The following SLC25A13 variants were observed in gnomAD, a reference collection of about 807,000 sequenced individuals.
The protein encoded by SLC25A13 is electrogenic aspartate/glutamate antiporter SLC25A13, mitochondrial.
In SLC25A13, 70 loss-of-function variants were observed where a neutral mutation model predicts 85.5. The observed-to-expected ratio is 0.82, with a 90% confidence interval of 0.68 to 1.00. SLC25A13 has a LOEUF of 1.00. Ranked by LOEUF, SLC25A13 falls within the 50% of genes least tolerant of loss-of-function variation. The pLI, the probability that SLC25A13 is intolerant of heterozygous loss-of-function variation, is 0.00. For missense variants in SLC25A13, 765 were observed against 819.8 expected (o/e 0.93, Z 0.82); for synonymous variants, 259 against 288.7 (o/e 0.90, Z 1.04).
chr7:96,186,645 T>C (rs1347025331), intron 9 of SLC25A13, among the ~76,000 whole-genome samples: 1 of 152,052 alleles, frequency 6.6e-6, no homozygotes, highest in Non-Finnish European at 1.5e-5. Context: ...CAAAACCCTA[T>C]CATTCAAAAT....
chr7:96,286,100 C>T lies in SLC25A13; in HGVS notation c.70-8762G>A, dbSNP rs534562809. 1.3e-4 allele frequency among the ~76,000 whole-genome samples: 20 copies of T among 151,892 alleles called. No homozygotes were observed. In the South Asian group the frequency reaches 1.9e-3, roughly 14 times the overall value. ...GAGATCGAGACCATCCTGGCTAACA[C>T]GGTGAAACCCCATCTCTACTAAAAA... On this transcript the variant is annotated intron_variant, in intron 2 of 17. Coordinates refer to ENST00000265631, the MANE Select transcript of SLC25A13 (RefSeq NM_014251.3).
In SLC25A13 at chr7:96,221,401, G is replaced by C. The variant is rs185441473; in HGVS notation, c.329-12424C>G. Among the ~76,000 whole-genome samples, 552 of 152,260 alleles carry C rather than the reference G, an allele frequency of 3.6e-3. 1 individual carries two copies. Among genetic ancestry groups the C allele is most frequent in the Non-Finnish European group, 7.0e-3 (475 of 68,020 alleles). On this transcript the variant is annotated intron_variant, in intron 4 of 17. Transcript: ENST00000265631. Reference sequence around the variant, plus strand: ...ATAAAATAAAATCAAATCTACTGCAGGGCAATATTTTTCTTTCATCAAAAT... The same window carrying C: ...ATAAAATAAAATCAAATCTACTGCACGGCAATATTTTTCTTTCATCAAAAT...
chr7:96,173,956 G>C (rs1794111525), intron 11 of SLC25A13, among the ~76,000 whole-genome samples: 1 of 152,224 alleles, frequency 6.6e-6, no homozygotes, highest in Admixed American at 6.5e-5. Flanking sequence ...GATGTCATGG[G>C]TGGAGCAAGG....
rs1009109646 is a variant in SLC25A13, at chr7:96,205,001, T to C, written c.468+3837A>G. Among the ~76,000 whole-genome samples the C allele has an allele frequency of 2.0e-5, 3 of 152,166 alleles. No individual in the cohort carries two copies. In the South Asian group the frequency reaches 6.2e-4, roughly 32 times the overall value. On this transcript the variant is annotated intron_variant, in intron 5 of 17. Coordinates refer to ENST00000265631, the MANE Select transcript of SLC25A13 (RefSeq NM_014251.3). Reference sequence around the variant, plus strand: ...TCAGCTCACTGCAACCTCTGCCTCCTGGGTTCAGCGATTCTCCTGCCTCAG... The same window carrying C: ...TCAGCTCACTGCAACCTCTGCCTCCCGGGTTCAGCGATTCTCCTGCCTCAG...
chr7:96,122,700 G>A (rs1250612242), intron 15 of SLC25A13, among the ~76,000 whole-genome samples: 1 of 152,024 alleles, frequency 6.6e-6, no homozygotes, highest in African/African-American at 2.4e-5. Flanking sequence ...ATTTATACTG[G>A]CTGATAATCA....
chr7:96,264,420 G>C (rs1797970457), intron 3 of SLC25A13, among the ~76,000 whole-genome samples: 1 of 151,966 alleles, frequency 6.6e-6, no homozygotes, highest in Non-Finnish European at 1.5e-5. Context: ...AAAAATCAAA[G>C]AAACCAAAAG....
At chr7:96,139,775 T>C (rs918562705) in intron 14 of SLC25A13, among the ~76,000 whole-genome samples, 3 of 152,168 alleles carry the variant, frequency 2.0e-5, no homozygotes, top group Non-Finnish European at 2.9e-5. Flanking sequence ...TCCAGACTTA[T>C]CCATCTCATT....
intron 3 of SLC25A13, among the ~76,000 whole-genome samples, chr7:96,239,934 A>G (rs1796906053): frequency 6.6e-6 from 1 of 152,194 alleles, no homozygotes. Context: ...ACTGGGCCAA[A>G]GAAGAAAGAG....
chr7:96,181,676 T>C (rs1584419449), intron 11 of SLC25A13, among the ~76,000 whole-genome samples: 4 of 152,292 alleles, frequency 2.6e-5, no homozygotes, highest in Admixed American at 2.6e-4. Flanking sequence ...ATTCAGGAAA[T>C]ATGAGCAATT....
At chr7:96,204,341 C>A (rs1795377124) in intron 5 of SLC25A13, among the ~76,000 whole-genome samples, 1 of 152,170 alleles carries the variant, frequency 6.6e-6, no homozygotes, top group Non-Finnish European at 1.5e-5. Flanking sequence ...ACCTTTCATT[C>A]TGTGCCCCCA....
At chr7:96,149,354 T>C (rs1393311098) in intron 13 of SLC25A13, among the ~76,000 whole-genome samples, 1 of 152,232 alleles carries the variant, frequency 6.6e-6, no homozygotes, top group Non-Finnish European at 1.5e-5. Flanking sequence ...TACGGAATTG[T>C]CTTATTATCT....
intron 3 of SLC25A13, among the ~76,000 whole-genome samples, chr7:96,258,094 A>G (rs1294761409): frequency 1.3e-5 from 2 of 152,220 alleles, no homozygotes; most frequent in African/African-American, 4.8e-5. Flanking sequence ...TATTTACGAC[A>G]AACGGACAGC....
At chr7:96,180,358 T>C (rs2116615763) in intron 11 of SLC25A13, among the ~76,000 whole-genome samples, 1 of 152,298 alleles carries the variant, frequency 6.6e-6, no homozygotes, top group East Asian at 1.9e-4. Context: ...TTTTCTAAAT[T>C]GAGACAGAGT....
chr7:96,262,337 T>A (rs963034476), intron 3 of SLC25A13, among the ~76,000 whole-genome samples: 3 of 152,198 alleles, frequency 2.0e-5, no homozygotes, highest in African/African-American at 7.2e-5. Context: ...AGAACAGTAT[T>A]TGCTCTTTCA....
chr7:96,308,224 T>G (rs948916766), intron 1 of SLC25A13, among the ~76,000 whole-genome samples: 3 of 151,584 alleles, frequency 2.0e-5, no homozygotes, highest in Non-Finnish European at 2.9e-5. Context: ...TCTCATCTGC[T>G]AAAAGTAAGA....
At chr7:96,177,610 C>T (rs1451610957) in intron 11 of SLC25A13, among the ~76,000 whole-genome samples, 2 of 152,122 alleles carry the variant, frequency 1.3e-5, no homozygotes, top group Non-Finnish European at 2.9e-5. Context: ...ACGGGGTAGT[C>T]GTGAAGATGA....
intron 4 of SLC25A13, among the ~76,000 whole-genome samples, chr7:96,217,276 G>A (rs1795933575): frequency 1.3e-5 from 2 of 152,156 alleles, no homozygotes; most frequent in Admixed American, 1.3e-4. Flanking sequence ...CACTGCTGGT[G>A]GGAATATATT....
intron 15 of SLC25A13, among the ~76,000 whole-genome samples, chr7:96,128,969 TC>T (rs1315280154): frequency 6.7e-6 from 1 of 150,230 alleles, no homozygotes; most frequent in African/African-American, 2.4e-5. Flanking sequence ...TCTCTCTCTC[TC>T]TCTCTCTCTC....
intron 13 of SLC25A13, among the ~76,000 whole-genome samples, chr7:96,168,098 G>GGA (rs1793836839): frequency 1.5e-4 from 3 of 19,694 alleles, no homozygotes; most frequent in Admixed American, 1.2e-3. Context: ...AACTCTGTCT[G>GGA]AAAAAAAAAA....
Sources: allele counts gnomAD v4.1 joint callset (sites outside exome capture counted in the v4.1 genomes callset), GRCh38; gene constraint gnomAD v4.1.1; transcripts MANE v1.5; gene names NCBI Gene and HGNC (gene_info 2026-07-23, HGNC 2026-07-21).